The following POLR3B variants were observed in gnomAD, a reference collection of about 807,000 sequenced individuals.
The protein encoded by POLR3B is DNA-directed RNA polymerase III subunit RPC2.
In POLR3B, 96 loss-of-function variants were observed where a neutral mutation model predicts 147.4. The ratio of observed to expected loss-of-function variants is 0.65; its 90% CI spans 0.55 to 0.77. The LOEUF (loss-of-function observed/expected upper bound fraction) is 0.77, where lower values mean the gene tolerates loss of function less well. Ranked by LOEUF, POLR3B falls within the 30% of genes least tolerant of loss-of-function variation. The pLI is 0.00. For missense variants in POLR3B, 1,036 were observed against 1,413.5 expected (o/e 0.73, Z 4.28); for synonymous variants, 461 against 485.9 (o/e 0.95, Z 0.67).
intron 12 of POLR3B, among the ~76,000 whole-genome samples, chr12:106,414,285 A>G (rs1018269190): frequency 1.3e-5 from 2 of 151,466 alleles, no homozygotes; most frequent in Non-Finnish European, 2.9e-5. Flanking sequence ...TAATGTTCTA[A>G]AGCTGCTGAG....
chr12:106,382,195 C>T (rs2036772486), intron 9 of POLR3B, among the ~76,000 whole-genome samples: 1 of 152,166 alleles, frequency 6.6e-6, no homozygotes, highest in African/African-American at 2.4e-5. Context: ...TTTACCCAGC[C>T]CCTCTTCAAG....
intron 24 of POLR3B, 92 bp from the exon 25 acceptor site, chr12:106,496,650 TGTTATTAATA>T: frequency 2.1e-6 from 2 of 973,328 alleles, no homozygotes; most frequent in Non-Finnish European, 3.2e-6. Flanking sequence ...AATTTATTAC[TGTTATTAATA>T]GTGGTCGTGG....
chr12:106,368,981 C>T (rs2036567919), intron 4 of POLR3B, among the ~76,000 whole-genome samples: 1 of 151,932 alleles, frequency 6.6e-6, no homozygotes, highest in African/African-American at 2.4e-5. Context: ...ATCATCAGTA[C>T]TCTTTACACT....
In POLR3B at chr12:106,437,140, C is replaced by A. The variant is rs748013090; in HGVS notation, c.1856+9C>A. ...CTGGCCCAAGGGTACAGGTAAGTAGCCAAAAGTAAAACTTACCAATCTCCT... is the reference window on the plus strand; with the variant it reads ...CTGGCCCAAGGGTACAGGTAAGTAGACAAAAGTAAAACTTACCAATCTCCT... On this transcript the variant is annotated intron_variant, in intron 17 of 27. Transcript: ENST00000228347. 6.9e-6 allele frequency: 11 copies of A among 1,591,768 alleles called. 1 individual carries two copies. The Admixed American group carries it at 1.3e-4, about 19-fold the overall frequency.
At chr12:106,485,487 T>G (rs940899599) in intron 23 of POLR3B, among the ~76,000 whole-genome samples, 3 of 152,150 alleles carry the variant, frequency 2.0e-5, no homozygotes, top group Non-Finnish European at 2.9e-5. Context: ...GGGAGACCAT[T>G]GCAGTGGTCC....
intron 9 of POLR3B, among the ~76,000 whole-genome samples, chr12:106,390,241 A>C (rs2036896229): frequency 6.9e-6 from 1 of 143,894 alleles, no homozygotes; most frequent in Admixed American, 7.0e-5. Context: ...AAAGCAAAAC[A>C]AAAAAACAAG....
intron 16 of POLR3B, among the ~76,000 whole-genome samples, chr12:106,436,324 T>A (rs2037575600): frequency 6.6e-6 from 1 of 152,206 alleles, no homozygotes; most frequent in Non-Finnish European, 1.5e-5. Flanking sequence ...TGTCCGGGTT[T>A]CCTCATGGTG....
chr12:106,435,833 A>G (rs1010650884), intron 16 of POLR3B, among the ~76,000 whole-genome samples: 1 of 152,182 alleles, frequency 6.6e-6, no homozygotes, highest in African/African-American at 2.4e-5. Flanking sequence ...AACATAATAT[A>G]TATTCAAAAA....
chr12:106,494,848 C>T (rs1432040865), intron 23 of POLR3B, among the ~76,000 whole-genome samples: 1 of 152,180 alleles, frequency 6.6e-6, no homozygotes, highest in Admixed American at 6.5e-5. Flanking sequence ...TCCACAATAT[C>T]CATATTGTTG....
In POLR3B at chr12:106,504,282, C is replaced by A; in HGVS notation, c.3272+28C>A. ...AAGTGGATACCATATGTCTCCCATACCACACCCCTTGCCTCTTAAATCACA... is the reference window on the plus strand; with the variant it reads ...AAGTGGATACCATATGTCTCCCATAACACACCCCTTGCCTCTTAAATCACA... On this transcript the variant is annotated intron_variant, in intron 27 of 27. Coordinates refer to ENST00000228347, the MANE Select transcript of POLR3B (RefSeq NM_018082.6). The surrounding 1 kb of genome is among the most constrained non-coding windows in gnomAD (Gnocchi z 4.6). The A allele has an allele frequency of 1.3e-6, 2 of 1,573,740 alleles. No individual in the cohort carries two copies. The highest frequency in any genetic ancestry group is 1.7e-6 in the Non-Finnish European group (2 of 1,143,168).
intron 6 of POLR3B, among the ~76,000 whole-genome samples, chr12:106,371,006 T>C (rs1278114863): frequency 3.3e-5 from 5 of 152,076 alleles, no homozygotes; most frequent in Non-Finnish European, 7.4e-5. Flanking sequence ...TTTTGGACCA[T>C]AGCTAAATTA....
At chr12:106,431,587 A>C (rs534650540) in intron 14 of POLR3B, among the ~76,000 whole-genome samples, 95 of 152,338 alleles carry the variant, frequency 6.2e-4, no homozygotes, top group African/African-American at 2.1e-3. Context: ...TTAGATATAC[A>C]AAAAAGTGAT....
intron 4 of POLR3B, among the ~76,000 whole-genome samples, chr12:106,368,667 A>G (rs1223844849): frequency 6.6e-6 from 1 of 152,218 alleles, no homozygotes; most frequent in Admixed American, 6.5e-5. Context: ...TCAATGTCCA[A>G]TCAAAATATT....
chr12:106,384,358 CAGTT>C (rs2036805820), intron 9 of POLR3B, among the ~76,000 whole-genome samples: 1 of 152,182 alleles, frequency 6.6e-6, no homozygotes, highest in African/African-American at 2.4e-5. Flanking sequence ...TTATGTGATA[CAGTT>C]AGTTGATCCT....
At chr12:106,438,359 A>G (rs1488707873) in intron 18 of POLR3B, among the ~76,000 whole-genome samples, 3 of 152,172 alleles carry the variant, frequency 2.0e-5, no homozygotes, top group African/African-American at 7.2e-5. Context: ...AAAGCAGCTA[A>G]CAAGTCATCT....
At chr12:106,430,208 C>T (rs1446236866) in intron 13 of POLR3B, 65 bp from the exon 14 acceptor site, 3 of 1,245,622 alleles carry the variant, frequency 2.4e-6, no homozygotes, top group East Asian at 4.6e-5. Flanking sequence ...CTTGGAGTGA[C>T]CGCACGGTAT....
chr12:106,509,564 A>G lies in POLR3B; in HGVS notation c.*15A>G, dbSNP rs763068456. The G allele has an allele frequency of 1.9e-6, 3 of 1,607,408 alleles. No homozygotes were observed. Among genetic ancestry groups the G allele is most frequent in the Non-Finnish European group, 2.6e-6 (3 of 1,174,606 alleles). On this transcript the variant is annotated 3_prime_UTR_variant, in exon 28 of 28. Coordinates refer to ENST00000228347, the MANE Select transcript of POLR3B (RefSeq NM_018082.6). Reference sequence around the variant, plus strand: ...ACAATGAATGAGGATGGAAAAAATGATTATTAAAGAGAACAAGTGATACAT... The same window carrying G: ...ACAATGAATGAGGATGGAAAAAATGGTTATTAAAGAGAACAAGTGATACAT...
At chr12:106,469,216 G>T (rs1258765548) in intron 23 of POLR3B, among the ~76,000 whole-genome samples, 1 of 149,410 alleles carries the variant, frequency 6.7e-6, no homozygotes, top group African/African-American at 2.5e-5. Flanking sequence ...AGTCTCTTTT[G>T]ATTTTTGTTG....
At chr12:106,376,037 A>T (rs1405291152) in intron 6 of POLR3B, among the ~76,000 whole-genome samples, 1 of 152,022 alleles carries the variant, frequency 6.6e-6, no homozygotes, top group Non-Finnish European at 1.5e-5. Flanking sequence ...GTAGAGATGG[A>T]GTTCCACCAT....
Sources: allele counts gnomAD v4.1 joint callset (sites outside exome capture counted in the v4.1 genomes callset), GRCh38; gene constraint gnomAD v4.1.1; non-coding constraint Gnocchi (gnomAD v3.1); transcripts MANE v1.5; gene names NCBI Gene and HGNC (gene_info 2026-07-23, HGNC 2026-07-21).